CTCFL: variants seen among roughly 807,000 people sequenced by gnomAD.
CTCFL encodes CCCTC-binding factor like, also known as transcriptional repressor CTCFL.
A neutral mutation model predicts 67.4 loss-of-function variants in CTCFL; 36 were observed. The ratio of observed to expected loss-of-function variants is 0.53; its 90% CI spans 0.41 to 0.71. CTCFL has a LOEUF of 0.71. Ranked by LOEUF, CTCFL falls within the 30% of genes least tolerant of loss-of-function variation. The pLI, the probability that CTCFL is intolerant of heterozygous loss-of-function variation, is 0.00. For missense variants in CTCFL, 786 were observed against 835.2 expected (o/e 0.94, Z 0.73); for synonymous variants, 324 against 302.3 (o/e 1.07, Z -0.75).
chr20:57,505,864 C>A (rs1226390920), intron 9 of CTCFL, among the ~76,000 whole-genome samples: 3 of 152,192 alleles, frequency 2.0e-5, no homozygotes, highest in Non-Finnish European at 4.4e-5. Flanking sequence ...AGGTCCTAGG[C>A]AAAAGTAAAA....
chr20:57,507,074 G>A (rs2068245378), intron 9 of CTCFL: 39 of 990,148 alleles, frequency 3.9e-5, no homozygotes, highest in Non-Finnish European at 4.2e-5. Flanking sequence ...AGCTAGCCAT[G>A]TGCAGTGGTT....
chr20:57,512,856 T>C (rs1158935112), intron 7 of CTCFL, 104 bp from the exon 8 acceptor site: 4 of 1,062,822 alleles, frequency 3.8e-6, no homozygotes, highest in Non-Finnish European at 4.2e-6. Flanking sequence ...CGCTGGAACA[T>C]GCTAGTTCCT....
intron 5 of CTCFL, among the ~76,000 whole-genome samples, chr20:57,517,076 A>G (rs1164495114): frequency 6.6e-6 from 1 of 152,228 alleles, no homozygotes; most frequent in Non-Finnish European, 1.5e-5. Context: ...GGAAAACAAC[A>G]GCCAAGCCAA....
intron 9 of CTCFL, chr20:57,506,924 C>A (rs2068236450): frequency 1.8e-5 from 18 of 985,312 alleles, no homozygotes; most frequent in Non-Finnish European, 2.2e-5. Context: ...CCAGAACTAT[C>A]CCACTGTGCT....
intron 3 of CTCFL, among the ~76,000 whole-genome samples, chr20:57,522,053 A>C (rs545577713): frequency 1.3e-5 from 2 of 152,356 alleles, no homozygotes; most frequent in South Asian, 4.1e-4. Flanking sequence ...ATGAGCTAGA[A>C]ATTGTAAAAC....
Position 57,514,675 on chromosome 20 carries a change from T to C in CTCFL, c.1247A>G (p.His416Arg). Residue 416 changes from histidine (H) to arginine (R), a missense_variant, in exon 7 of 11, where the codon CAT becomes CGT. By Grantham distance (29) the His-to-Arg change is conservative (BLOSUM62 0). Around this residue, in one of 3 missense-constraint regions of CTCFL, gnomAD observed 254 missense variants for 333.9 expected, o/e 0.76. Coordinates refer to ENST00000243914, the MANE Select transcript of CTCFL (RefSeq NM_001386993.1). ...RFTQSGTMKI[H>R]ILQKHGENVP... ...ATTTTCGCCGTGTTTCTGCAGAATA[T>C]GTATTTTCATGGTCCCGCTCTGGGT... The C allele has an allele frequency of 6.2e-7, 1 of 1,614,226 alleles. No homozygotes were observed. Among genetic ancestry groups the C allele is most frequent in the Non-Finnish European group, 8.5e-7 (1 of 1,180,036 alleles).
chr20:57,503,703 C>T, intron 9 of CTCFL, 102 bp from the exon 10 acceptor site: 4 of 1,304,442 alleles, frequency 3.1e-6, no homozygotes, highest in South Asian at 1.4e-5. Context: ...AAGAAAAATC[C>T]TGAGTTCTTT....
At chr20:57,503,276 T>G (rs1214269549) in intron 10 of CTCFL, among the ~76,000 whole-genome samples, 160 bp downstream of exon 10, 1 of 152,218 alleles carries the variant, frequency 6.6e-6, no homozygotes, top group African/African-American at 2.4e-5. Context: ...CTATGCTCAC[T>G]GCCATTCTGA....
intron 6 of CTCFL, 72 bp from the exon 7 acceptor site, chr20:57,514,813 GTT>G (rs11086612): frequency 0.013 from 14,550 of 1,161,088 alleles, no homozygotes; most frequent in East Asian, 0.025. Context: ...TGCTGAAAGT[GTT>G]TTTTTTTTTT....
chr20:57,496,152 G>A (rs1181978431), downstream of CTCFL: 1 of 434,100 alleles, frequency 2.3e-6, no homozygotes, highest in African/African-American at 2.0e-5. Flanking sequence ...GAATGATTTA[G>A]CACCATCCGC....
In CTCFL at chr20:57,503,494, T is replaced by G; in HGVS notation, c.1782A>C (p.Glu594Asp). The change falls in exon 10 of 11, where the codon GAA (glutamate) becomes GAC (aspartate). Residue 594 changes from glutamate (E) to aspartate (D), a missense_variant. By Grantham distance (45) the Glu-to-Asp change is conservative (BLOSUM62 2). This residue lies in a region of CTCFL where 199 missense variants were observed against 196.7 expected (regional missense o/e 1.01). Transcript: ENST00000243914. ...CAGCTTCCTTCTGACCCTTTGTGGC[T>G]TCCTTCAGGATGGTCTGCTTCCTCT... ...TRKRKQTILK[E>D]ATKGQKEAAK... 1 of 1,614,244 alleles carries G rather than the reference T, an allele frequency of 6.2e-7. No individual in the cohort carries two copies. Among genetic ancestry groups the G allele is most frequent in the African/African-American group, 1.3e-5 (1 of 75,062 alleles).
chr20:57,501,616 C>T (rs894451852), intron 10 of CTCFL, among the ~76,000 whole-genome samples: 6 of 152,234 alleles, frequency 3.9e-5, no homozygotes, highest in Non-Finnish European at 7.3e-5. Context: ...TTCTGATCTG[C>T]CCCTATGAGC....
chr20:57,505,821 A>C (rs780152113), intron 9 of CTCFL, among the ~76,000 whole-genome samples: 1 of 152,218 alleles, frequency 6.6e-6, no homozygotes, highest in Non-Finnish European at 1.5e-5. Flanking sequence ...CACTCAGGAT[A>C]ATCTTAAGTC....
Position 57,519,340 on chromosome 20 carries a change from G to A in CTCFL, c.792C>T (p.Phe264=), listed in dbSNP as rs377344255. ...TAAAACTTGACATTCTAGAAGAGGTGAACATGCAGACATCACAGTGGAAGG... is the reference window on the plus strand; with the variant it reads ...TAAAACTTGACATTCTAGAAGAGGTAAACATGCAGACATCACAGTGGAAGG... ...KGTFHCDVCM[F]TSSRMSSFNR... The change falls in exon 4 of 11, where the codon TTC becomes TTT. Residue 264 remains phenylalanine (F), a synonymous_variant. Transcript: ENST00000243914. 3.1e-6 allele frequency: 5 copies of A among 1,614,010 alleles called. No individual in the cohort carries two copies. In the African/African-American group the frequency reaches 6.7e-5, roughly 22 times the overall value.
chr20:57,507,110 G>A (rs1255082911), intron 9 of CTCFL: 2 of 934,054 alleles, frequency 2.1e-6, no homozygotes, highest in Non-Finnish European at 2.6e-6. Flanking sequence ...ATTCTTTGAT[G>A]CTGTTCCTTT....
Position 57,498,655 on chromosome 20 carries a change from T to G in CTCFL, c.1887A>C (p.Pro629=), listed in dbSNP as rs753375350. The change falls in exon 11 of 11, where the codon CCA becomes CCC. Residue 629 remains proline (P), a synonymous_variant. Coordinates refer to ENST00000243914, the MANE Select transcript of CTCFL (RefSeq NM_001386993.1). ...TGCAGGCGACAGGAAACATCTCTCC[T>G]GGGAACTGTTCTCCCTTCGTGGTGG... ...EASTTKGEQF[P]GEMFPVACRE... The G allele has an allele frequency of 6.2e-7, 1 of 1,614,144 alleles. No individual in the cohort carries two copies. The highest frequency in any genetic ancestry group is 1.7e-5 in the Admixed American group (1 of 60,014).
intron 6 of CTCFL, chr20:57,515,496 T>C (rs2068848787): frequency 7.3e-6 from 4 of 551,148 alleles, no homozygotes; most frequent in Non-Finnish European, 1.3e-5. Context: ...ATACTTTGTG[T>C]TTTACTCCAC....
intron 5 of CTCFL, among the ~76,000 whole-genome samples, chr20:57,517,321 C>T (rs867124334): frequency 1.4e-5 from 2 of 145,744 alleles, no homozygotes; most frequent in Admixed American, 7.0e-5. Context: ...GTCTCACTCT[C>T]GTCCAGACTG....
At chr20:57,520,646 TA>T (rs1419560093) in intron 3 of CTCFL, among the ~76,000 whole-genome samples, 2 of 152,182 alleles carry the variant, frequency 1.3e-5, no homozygotes, top group Admixed American at 1.3e-4. Flanking sequence ...ATCCAAGCTA[TA>T]TTAACAGAAT....
Sources: gnomAD v4.1 joint callset for allele counts (sites outside exome capture counted in the v4.1 genomes callset) on GRCh38, gnomAD v4.1.1 for gene constraint, gnomAD v4.1.1 regional missense constraint, MANE v1.5 for transcripts, NCBI Gene and HGNC (gene_info 2026-07-23, HGNC 2026-07-21) for gene names.